The following HDAC5 variants were observed in gnomAD, a reference collection of about 807,000 sequenced individuals.
The protein encoded by HDAC5 is antigen NY-CO-9.
Under a neutral mutation model 133.3 loss-of-function variants are expected in HDAC5, and 25 were observed. The observed-to-expected ratio is 0.19, with a 90% CI of 0.14 to 0.26. HDAC5 has a LOEUF of 0.26. Ranked by LOEUF, HDAC5 falls within the 10% of genes least tolerant of loss-of-function variation. The probability of loss-of-function intolerance (pLI) is 1.00; values close to 1 mark genes in which losing one functional copy is unlikely to be tolerated. For synonymous variants in HDAC5, 589 were observed against 610.8 expected (o/e 0.96, Z 0.53); for missense variants, 1,041 against 1,460.5 (o/e 0.71, Z 4.68).
intron 3 of HDAC5, among the ~76,000 whole-genome samples, chr17:44,109,254 A>G (rs1409514456): frequency 1.3e-5 from 2 of 152,196 alleles, no homozygotes; most frequent in Non-Finnish European, 2.9e-5. Context: ...GACCACCTTG[A>G]GTCCCAGAGG....
chr17:44,111,682 C>T lies in HDAC5; in HGVS notation c.23-882G>A, dbSNP rs1321544789. ...CCATGGAGGTTTGCTTAACTTCTGC[C>T]CTCCCACAGAGTTGAGAGGTGCCTC... On this transcript the variant is annotated intron_variant, in intron 2 of 26. Coordinates refer to ENST00000682912, the MANE Select transcript of HDAC5 (RefSeq NM_005474.5). The T allele has an allele frequency of 7.7e-6, 4 of 516,828 alleles. No individual in the cohort carries two copies. In the Admixed American group the frequency reaches 7.8e-5, roughly 10 times the overall value. The allele number at this position is 516,828 out of a possible 1,614,324, so 32.0% of individuals were successfully genotyped here. A position where few individuals can be genotyped will look rare whatever the true frequency, so the allele number is the denominator to read the frequency against.
At chr17:44,097,483 T>G (rs2051343265) in intron 3 of HDAC5, among the ~76,000 whole-genome samples, 1 of 152,204 alleles carries the variant, frequency 6.6e-6, no homozygotes, top group Non-Finnish European at 1.5e-5. Context: ...AAAGGGTCCT[T>G]GGAAACTGCA....
rs749757817 is a variant in HDAC5, at chr17:44,097,486, A to G, written c.95-3652T>C. Among the ~76,000 whole-genome samples, 105 of 152,346 alleles carry G rather than the reference A, an allele frequency of 6.9e-4. No homozygotes were observed. In the Middle Eastern group the frequency reaches 0.01, roughly 15 times the overall value. On this transcript the variant is annotated intron_variant, in intron 3 of 26. Coordinates refer to ENST00000682912, the MANE Select transcript of HDAC5 (RefSeq NM_005474.5). ...CAGCACCAGGAGAAAGGGTCCTTGG[A>G]AACTGCAGAAGGCCTTCCTGGAGGT... is the stretch of plus-strand genomic sequence containing the variant.
rs909588318 is a variant in HDAC5, at chr17:44,117,937, C to T, written c.-189-233G>A. Among the ~76,000 whole-genome samples the T allele has an allele frequency of 6.6e-6, 1 of 152,222 alleles. No individual in the cohort carries two copies. The highest frequency in any genetic ancestry group is 1.5e-5 in the Non-Finnish European group (1 of 68,026). On this transcript the variant is annotated intron_variant, in intron 1 of 26. Transcript: ENST00000682912. This position sits in a 1 kb window ranked among gnomAD's most constrained non-coding sequence, Gnocchi z 4.2. ...AAATGGCTATGGTGGCCAAACCCAA[C>T]AGACCCCTTTTCAGGTGAGTGTCTA... is the stretch of plus-strand genomic sequence containing the variant.
At position 44,093,785 on chromosome 17, in the gene HDAC5, A is replaced by AC; in HGVS notation, c.143dup (p.Gly49TrpfsTer49). ...CAGGGCTGGGGCTGCCTCCACCCCC[A>AC]CCCCCCATGGAACTGGGCATGGCTC... On this transcript the variant is annotated frameshift_variant, in exon 4 of 27. Transcript: ENST00000682912. LOFTEE classifies it high-confidence loss of function. 1 of 1,558,456 alleles carries AC rather than the reference A, an allele frequency of 6.4e-7. No individual in the cohort carries two copies.
chr17:44,085,327 T>C (rs1413765098), intron 14 of HDAC5, 172 bp from the exon 15 acceptor site: 1 of 31,910 alleles, frequency 3.1e-5, no homozygotes, highest in Non-Finnish European at 1.7e-4. Flanking sequence ...CCTCTCCAGC[T>C]TTTTTTTTTT....
intron 2 of HDAC5, among the ~76,000 whole-genome samples, chr17:44,114,448 G>A (rs879741219): frequency 2.0e-5 from 3 of 151,874 alleles, no homozygotes; most frequent in Non-Finnish European, 2.9e-5. Context: ...GGGGGGGGGG[G>A]GCTGCTGCCC....
chr17:44,096,264 C>T (rs2051265265), intron 3 of HDAC5, among the ~76,000 whole-genome samples: 1 of 152,122 alleles, frequency 6.6e-6, no homozygotes, highest in Middle Eastern at 3.4e-3. Flanking sequence ...TCACTCTCCT[C>T]GCTACAGCCC....
In HDAC5 at chr17:44,083,641, G is replaced by A; in HGVS notation, c.2367C>T (p.Asp789=). ...AGGAGTGCATCTCATTCCACACGGT[G>A]TCACTGTCCACCTGCAGGGCAGGAG... ...LPCGGIGVDS[D]TVWNEMHSSS... The change falls in exon 18 of 27, where the codon GAC becomes GAT. Residue 789 remains aspartate, a synonymous_variant. Transcript: ENST00000682912. The A allele has an allele frequency of 6.2e-7, 1 of 1,613,872 alleles. No homozygotes were observed. The highest frequency in any genetic ancestry group is 1.1e-5 in the South Asian group (1 of 91,068).
chr17:44,120,237 C>G (rs909992343), intron 1 of HDAC5: 1 of 152,314 alleles, frequency 6.6e-6, no homozygotes, highest in African/African-American at 2.4e-5. Context: ...GTTCCTCAAA[C>G]AACTCCCTCA....
rs187179354 is a variant in HDAC5, at chr17:44,083,497, G to A, written c.2463+48C>T. 1,671 of 1,373,944 alleles carry A rather than the reference G, an allele frequency of 1.2e-3. 2 individuals carry two copies. The highest frequency in any genetic ancestry group is 1.5e-3 in the Non-Finnish European group (1,428 of 976,682). The allele number at this position is 1,373,944 out of a possible 1,614,324, so 85.1% of individuals were successfully genotyped here. A position where few individuals can be genotyped will look rare whatever the true frequency, so the allele number is the denominator to read the frequency against. ...GGCTGCCCCTGTCCTCTGCCTCTGA[G>A]GAGCAGGGCCATGCCAAGGGGCACC... On this transcript the variant is annotated intron_variant, in intron 18 of 26. Coordinates refer to ENST00000682912, the MANE Select transcript of HDAC5 (RefSeq NM_005474.5).
intron 13 of HDAC5, among the ~76,000 whole-genome samples, chr17:44,087,119 G>T (rs975841264): frequency 6.6e-6 from 1 of 151,686 alleles, no homozygotes; most frequent in Middle Eastern, 3.4e-3. Context: ...GCACAGGCAC[G>T]CACAGGGACC....
intron 2 of HDAC5, among the ~76,000 whole-genome samples, chr17:44,113,810 A>T (rs1030659335): frequency 2.6e-5 from 4 of 152,054 alleles, no homozygotes; most frequent in African/African-American, 9.7e-5. Context: ...GGATGGGGGG[A>T]CCTTGACCAA....
In HDAC5 at chr17:44,078,580, G is replaced by T. The variant is rs200677576; in HGVS notation, c.3249C>A (p.Ala1083=). ...REAQAGETEE[A]ETVSAMALLS... ...GCAAGGCCATGGCGCTCACAGTCTC[G>T]GCCTCCTCGGTCTCACCTGCTTGGG... is the stretch of plus-strand genomic sequence containing the variant. The change falls in exon 26 of 27, where the codon GCC becomes GCA. Residue 1083 remains alanine (A), a synonymous_variant. Coordinates refer to ENST00000682912, the MANE Select transcript of HDAC5 (RefSeq NM_005474.5). 3.7e-6 allele frequency: 6 copies of T among 1,610,212 alleles called. No individual in the cohort carries two copies. The highest frequency in any genetic ancestry group is 4.2e-6 in the Non-Finnish European group (5 of 1,179,958).
intron 11 of HDAC5, 116 bp from the exon 12 acceptor site, chr17:44,088,714 G>A: frequency 7.0e-7 from 1 of 1,422,126 alleles, no homozygotes; most frequent in East Asian, 2.5e-5. Flanking sequence ...TATATACTCA[G>A]GAAAAACCCT....
At chr17:44,092,617 A>G (rs531965064) in intron 7 of HDAC5, 59 bp downstream of exon 7, 1 of 1,542,156 alleles carries the variant, frequency 6.5e-7, no homozygotes, top group Admixed American at 1.9e-5. Context: ...CACTGCCACA[A>G]GCCCACCTCT....
chr17:44,111,325 G>C (rs1019804810), intron 2 of HDAC5: 1 of 328,094 alleles, frequency 3.0e-6, no homozygotes, highest in African/African-American at 2.2e-5. Flanking sequence ...AGCTGCGGGC[G>C]GGCTGCCAGG....
intron 20 of HDAC5, 102 bp from the exon 21 acceptor site, chr17:44,080,984 A>T: frequency 6.6e-7 from 1 of 1,516,326 alleles, no homozygotes. Context: ...CTGTAATCCT[A>T]GCATTTTGGG....
At chr17:44,079,797 A>G (rs1388925933) in intron 23 of HDAC5, among the ~76,000 whole-genome samples, 1 of 152,150 alleles carries the variant, frequency 6.6e-6, no homozygotes, top group East Asian at 1.9e-4. Flanking sequence ...CAAAACATTA[A>G]CAGACTGGCT....
Sources: gnomAD v4.1 joint callset for allele counts (sites outside exome capture counted in the v4.1 genomes callset) on GRCh38, gnomAD v4.1.1 for gene constraint, Gnocchi (gnomAD v3.1) non-coding constraint, MANE v1.5 for transcripts, NCBI Gene and HGNC (gene_info 2026-07-23, HGNC 2026-07-21) for gene names.